Variants in GDAP2 observed in about 807,000 individuals in gnomAD.
GDAP2 encodes ganglioside-induced differentiation-associated protein 2.
GDAP2 carries 51 observed loss-of-function variants against 67.0 expected under a neutral mutation model. That is an observed-to-expected ratio of 0.76 (90% CI 0.61 to 0.96). The LOEUF is 0.96. Among genes scored for constraint, GDAP2 ranks in the 40% least tolerant of loss-of-function variants. GDAP2 has a pLI of 0.00. For synonymous variants in GDAP2, 203 were observed against 207.3 expected, an observed-to-expected ratio of 0.98 and a Z score of 0.18; for missense variants, 547 against 588.3, an observed-to-expected ratio of 0.93 and a Z score of 0.73.
rs1481922901 is a variant in GDAP2 at position 117,864,879 on chromosome 1, G to A, written c.*5690C>T. ...GATTTGTAAGAGCATTAGAAGAGAC[G>A]ATGAACGTTAGAGTGCCTGGACCAC... On this transcript the variant is annotated 3_prime_UTR_variant, in exon 14 of 14. Transcript: ENST00000369443. The A allele has an allele frequency of 1.3e-5, 2 of 152,112 alleles. No homozygotes were observed. Among genetic ancestry groups the A allele is most frequent in the East Asian group, 1.9e-4 (1 of 5,186 alleles). 9.4% of individuals were successfully genotyped at this position (152,112 alleles called of 1,614,324 possible).
intron 8 of GDAP2, chr1:117,896,628 A>G: frequency 2.5e-6 from 1 of 405,260 alleles, no homozygotes; most frequent in Non-Finnish European, 4.4e-6. Flanking sequence ...CACTGGTTTC[A>G]CCACATATTA....
At position 117,920,160 on chromosome 1, in the gene GDAP2, T is replaced by G. The variant is rs535057634; in HGVS notation, c.176+22A>C. On this transcript the variant is annotated intron_variant, in intron 2 of 13. Coordinates refer to ENST00000369443, the MANE Select transcript of GDAP2 (RefSeq NM_017686.4). ...ATGAGAAAGTGTTATCTCCTCATGA[T>G]ATGATGTAATCAAAAAATTACCAAA... 3.6e-6 allele frequency: 5 copies of G among 1,398,728 alleles called. No homozygotes were observed. The African/African-American group carries it at 7.1e-5, about 20-fold the overall frequency. 86.6% of individuals were successfully genotyped at this position (1,398,728 alleles called of 1,614,324 possible).
intron 13 of GDAP2, among the ~76,000 whole-genome samples, chr1:117,871,984 C>T (rs1487386450): frequency 6.6e-6 from 1 of 151,766 alleles, no homozygotes; most frequent in Non-Finnish European, 1.5e-5. Flanking sequence ...GGAACTTAAG[C>T]AAATTTACAA....
Position 117,880,085 on chromosome 1 carries a change from C to G in GDAP2, c.1302+1738G>C, listed in dbSNP as rs759353992. Reference sequence around the variant, plus strand: ...CTGCAGTCCTAGCTATTCTGGAGGCCAAGGTGGGAGGACCCCTTGAGGCCA... The same window carrying G: ...CTGCAGTCCTAGCTATTCTGGAGGCGAAGGTGGGAGGACCCCTTGAGGCCA... On this transcript the variant is annotated intron_variant, in intron 12 of 13. Transcript: ENST00000369443. 3.3e-5 allele frequency among the ~76,000 whole-genome samples: 5 copies of G among 152,008 alleles called. No individual in the cohort carries two copies. The South Asian group carries it at 1.0e-3, about 32-fold the overall frequency.
At chr1:117,913,464 C>T (rs952597043) in intron 3 of GDAP2, 2 of 151,516 alleles carry the variant, frequency 1.3e-5, no homozygotes, top group Admixed American at 6.6e-5. Context: ...AGATGCTCAA[C>T]TAGAGAGTTT....
At chr1:117,905,196 C>G (rs1182042665) in intron 6 of GDAP2, among the ~76,000 whole-genome samples, 1 of 152,186 alleles carries the variant, frequency 6.6e-6, no homozygotes, top group Non-Finnish European at 1.5e-5. Context: ...CTCCACACAG[C>G]TAAAACAGAA....
chr1:117,884,913 G>A (rs1648796419), intron 10 of GDAP2, among the ~76,000 whole-genome samples: 1 of 151,738 alleles, frequency 6.6e-6, no homozygotes, highest in Non-Finnish European at 1.5e-5. Flanking sequence ...ACCTTGGTTT[G>A]GGAGATCTTG....
chr1:117,921,871 G>C (rs1004395170), intron 1 of GDAP2, among the ~76,000 whole-genome samples: 9 of 152,116 alleles, frequency 5.9e-5, no homozygotes, highest in Non-Finnish European at 1.3e-4. Flanking sequence ...GTTAGATTTG[G>C]AATGTATTTT....
At chr1:117,913,981 T>G (rs1046994922) in intron 3 of GDAP2, among the ~76,000 whole-genome samples, 4 of 152,180 alleles carry the variant, frequency 2.6e-5, no homozygotes, top group African/African-American at 9.6e-5. Context: ...AAGACAGCCC[T>G]TAGCAGAACT....
intron 8 of GDAP2, among the ~76,000 whole-genome samples, chr1:117,890,744 A>G (rs1039597364): frequency 6.6e-6 from 1 of 152,134 alleles, no homozygotes; most frequent in African/African-American, 2.4e-5. Flanking sequence ...CATGTAGTCA[A>G]TGTAAGACAT....
At chr1:117,885,335 C>T (rs559005697) in intron 10 of GDAP2, among the ~76,000 whole-genome samples, 8 of 151,990 alleles carry the variant, frequency 5.3e-5, no homozygotes, top group East Asian at 1.9e-4. Context: ...CTATATATGA[C>T]GAAAAAATGT....
At chr1:117,905,332 C>A (rs774077222) in intron 6 of GDAP2, among the ~76,000 whole-genome samples, 3 of 152,148 alleles carry the variant, frequency 2.0e-5, no homozygotes, top group Non-Finnish European at 4.4e-5. Flanking sequence ...CTTTCATTTT[C>A]GCCACTCTCA....
At chr1:117,912,120 T>C (rs762976495) in intron 4 of GDAP2, 38 bp from the exon 5 acceptor site, 3 of 1,125,936 alleles carry the variant, frequency 2.7e-6, no homozygotes, top group Admixed American at 1.7e-5. Flanking sequence ...GCACTAGAAA[T>C]ATCAGTAATA....
At chr1:117,922,374 C>G (rs1274293491) in intron 1 of GDAP2, among the ~76,000 whole-genome samples, 2 of 152,010 alleles carry the variant, frequency 1.3e-5, no homozygotes, top group African/African-American at 4.8e-5. Flanking sequence ...GCATGGTGGC[C>G]TAAAAGCCAA....
At chr1:117,900,266 C>A (rs532734760) in intron 6 of GDAP2, among the ~76,000 whole-genome samples, 1 of 152,104 alleles carries the variant, frequency 6.6e-6, no homozygotes. Flanking sequence ...CAGGTGTACA[C>A]CACCATACCC....
chr1:117,888,426 G>C (rs1290031120), intron 8 of GDAP2, among the ~76,000 whole-genome samples: 1 of 152,120 alleles, frequency 6.6e-6, no homozygotes, highest in Non-Finnish European at 1.5e-5. Flanking sequence ...GGATGTTAAA[G>C]CTGGAAGAGA....
At chr1:117,880,920 TAAG>T (rs1648627556) in intron 12 of GDAP2, among the ~76,000 whole-genome samples, 1 of 152,172 alleles carries the variant, frequency 6.6e-6, no homozygotes, top group Non-Finnish European at 1.5e-5. Flanking sequence ...TGTCCTTCAT[TAAG>T]AAGGACATTA....
chr1:117,925,933 T>C (rs1650429987), intron 1 of GDAP2, among the ~76,000 whole-genome samples: 1 of 152,212 alleles, frequency 6.6e-6, no homozygotes, highest in Admixed American at 6.5e-5. Context: ...CAAATCACTT[T>C]AATTTAATCA....
intron 5 of GDAP2, among the ~76,000 whole-genome samples, chr1:117,910,715 A>C (rs1036687747): frequency 6.6e-6 from 1 of 152,198 alleles, no homozygotes; most frequent in Non-Finnish European, 1.5e-5. Context: ...AACAGCTGCA[A>C]CAGATGGTCC....
Sources: gnomAD v4.1 joint callset for allele counts (sites outside exome capture counted in the v4.1 genomes callset) on GRCh38, gnomAD v4.1.1 for gene constraint, MANE v1.5 for transcripts, NCBI Gene and HGNC (gene_info 2026-07-23, HGNC 2026-07-21) for gene names.